KCNH5: variants seen among roughly 807,000 people sequenced by gnomAD.
KCNH5 encodes the protein voltage-gated delayed rectifier potassium channel KCNH5.
In KCNH5, 46 loss-of-function variants were observed where a neutral mutation model predicts 96.1. The ratio of observed to expected loss-of-function variants is 0.48; its 90% CI spans 0.38 to 0.61. The LOEUF is 0.61. Ranked by LOEUF, KCNH5 falls within the 20% of genes least tolerant of loss-of-function variation. The probability of loss-of-function intolerance (pLI) is 0.00; values close to 1 mark genes in which losing one functional copy is unlikely to be tolerated. For missense variants in KCNH5, 907 were observed against 1,225.8 expected, an observed-to-expected ratio of 0.74 and a Z score of 3.88; for synonymous variants, 439 against 449.8, an observed-to-expected ratio of 0.98 and a Z score of 0.30.
rs1890784671 is a variant in KCNH5, at chr14:62,990,237, GTGTGA to G, written c.434-3055_434-3051del. ...TTCACAGTATCATACATGAAAATAA[GTGTGA>G]GAAAGGAGAAATATGACAATGAAAG... is the stretch of plus-strand genomic sequence containing the variant. On this transcript the variant is annotated intron_variant, in intron 4 of 10. Coordinates refer to ENST00000322893, the MANE Select transcript of KCNH5 (RefSeq NM_139318.5). Among the ~76,000 whole-genome samples the G allele has an allele frequency of 5.3e-5, 8 of 152,136 alleles. No individual in the cohort carries two copies. In the South Asian group the frequency reaches 1.7e-3, roughly 32 times the overall value.
chr14:63,044,396 C>A (rs577149133), intron 1 of KCNH5, among the ~76,000 whole-genome samples: 2 of 152,296 alleles, frequency 1.3e-5, no homozygotes, highest in African/African-American at 2.4e-5. Context: ...GGTAGGATGG[C>A]ATCTTTTTGA....
chr14:63,003,612 A>C (rs1473962027), intron 3 of KCNH5, among the ~76,000 whole-genome samples: 1 of 121,308 alleles, frequency 8.2e-6, no homozygotes, highest in Non-Finnish European at 1.6e-5. Context: ...TTATATTTAT[A>C]TATATATATA....
At chr14:62,768,890 T>C (rs1278984383) in intron 10 of KCNH5, among the ~76,000 whole-genome samples, 1 of 152,232 alleles carries the variant, frequency 6.6e-6, no homozygotes, top group East Asian at 1.9e-4. Flanking sequence ...TGTGAACCTC[T>C]GTCCTGGTGA....
chr14:63,034,675 T>C (rs1891688993), intron 1 of KCNH5, among the ~76,000 whole-genome samples: 2 of 152,226 alleles, frequency 1.3e-5, no homozygotes, highest in Admixed American at 1.3e-4. Flanking sequence ...ATGCTTCCAC[T>C]TTCTATCTCC....
At chr14:63,041,833 AG>A (rs1891830179) in intron 1 of KCNH5, among the ~76,000 whole-genome samples, 1 of 152,092 alleles carries the variant, frequency 6.6e-6, no homozygotes, top group Admixed American at 6.5e-5. Flanking sequence ...CAGTCTCAAG[AG>A]GTGTGAAATA....
chr14:62,707,286 T>G lies in KCNH5; in HGVS notation c.*222A>C. ...ATAGAGATTATAAATAAATGTAAAG[T>G]GTGCATGCAGTCAACTGCATAATAT... On this transcript the variant is annotated 3_prime_UTR_variant, in exon 11 of 11. Coordinates refer to ENST00000322893, the MANE Select transcript of KCNH5 (RefSeq NM_139318.5). The G allele has an allele frequency of 3.6e-6, 1 of 279,314 alleles. No homozygotes were observed. Among genetic ancestry groups the G allele is most frequent in the Non-Finnish European group, 6.5e-6 (1 of 154,430 alleles). The allele number at this position is 279,314 out of a possible 1,614,324, so 17.3% of individuals were successfully genotyped here. A position where few individuals can be genotyped will look rare whatever the true frequency, so the allele number is the denominator to read the frequency against.
chr14:62,854,195 T>C (rs1421395268), intron 7 of KCNH5, among the ~76,000 whole-genome samples: 1 of 152,024 alleles, frequency 6.6e-6, no homozygotes, highest in Non-Finnish European at 1.5e-5. Context: ...TTATTATCCA[T>C]CTTTTCCCCT....
At chr14:62,713,078 T>C (rs1411557419) in intron 10 of KCNH5, among the ~76,000 whole-genome samples, 1 of 152,222 alleles carries the variant, frequency 6.6e-6, no homozygotes, top group African/African-American at 2.4e-5. Context: ...TCTGCTTTGC[T>C]AACTGCTATA....
chr14:62,819,866 T>C (rs1426349873), intron 8 of KCNH5, among the ~76,000 whole-genome samples: 2 of 152,214 alleles, frequency 1.3e-5, no homozygotes, highest in African/African-American at 2.4e-5. Context: ...TTACTGTTAC[T>C]TTCTCCAACC....
chr14:62,860,668 C>T (rs577660366), intron 7 of KCNH5, among the ~76,000 whole-genome samples: 9 of 152,274 alleles, frequency 5.9e-5, no homozygotes, highest in African/African-American at 2.2e-4. Flanking sequence ...CCATCTTTTC[C>T]CAACTTCTTA....
rs1350911410 is a variant in KCNH5, at chr14:63,006,490, C to G, written c.198-18G>C. On this transcript the variant is annotated intron_variant, in intron 2 of 10. Transcript: ENST00000322893. ...ACATAAAACTGGGGGGGAAAAAAAA[C>G]AAACAATCGATTTCACTTTTGTGTT... 7.1e-7 allele frequency: 1 copy of G among 1,400,370 alleles called. No homozygotes were observed. Among genetic ancestry groups the G allele is most frequent in the South Asian group, 1.2e-5 (1 of 85,316 alleles). 86.7% of individuals were successfully genotyped at this position (1,400,370 alleles called of 1,614,324 possible).
At chr14:62,851,243 T>G (rs1205374951) in intron 7 of KCNH5, among the ~76,000 whole-genome samples, 1 of 152,150 alleles carries the variant, frequency 6.6e-6, no homozygotes, top group Non-Finnish European at 1.5e-5. Context: ...AGGAATACAG[T>G]GTTGACATTT....
rs534411128 is a variant in KCNH5, at chr14:62,955,470, A to G, written c.943-4911T>C. ...AGAACAATCCTATGTGGTACCTATC[A>G]TTAAAGCATGGCCCAGAAAAGTTAA... On this transcript the variant is annotated intron_variant, in intron 6 of 10. Transcript: ENST00000322893. Among the ~76,000 whole-genome samples the G allele has an allele frequency of 5.8e-4, 89 of 152,352 alleles. No homozygotes were observed. In the Middle Eastern group the frequency reaches 0.027, roughly 47 times the overall value.
At position 62,705,268 on chromosome 14, in the gene KCNH5, T is replaced by C. The variant is rs1227911625; in HGVS notation, c.*2240A>G. 1 of 152,026 alleles carries C rather than the reference T, an allele frequency of 6.6e-6. No homozygotes were observed. Among genetic ancestry groups the C allele is most frequent in the African/African-American group, 2.4e-5 (1 of 41,452 alleles). The allele number at this position is 152,026 out of a possible 1,614,324, so 9.4% of individuals were successfully genotyped here. A position where few individuals can be genotyped will look rare whatever the true frequency, so the allele number is the denominator to read the frequency against. On this transcript the variant is annotated 3_prime_UTR_variant, in exon 11 of 11. Transcript: ENST00000322893. ...GTTCACAGTCATTCTTTTATAGCTT[T>C]ACACCAATAGTTAGTTTTGAAGCAC...
chr14:62,730,555 G>A (rs935872268), intron 10 of KCNH5, among the ~76,000 whole-genome samples: 1 of 152,092 alleles, frequency 6.6e-6, no homozygotes, highest in Non-Finnish European at 1.5e-5. Context: ...GTTTCCTTCT[G>A]TTACTCTTCA....
intron 7 of KCNH5, among the ~76,000 whole-genome samples, chr14:62,887,984 T>C (rs1164920301): frequency 6.6e-6 from 1 of 152,160 alleles, no homozygotes; most frequent in Non-Finnish European, 1.5e-5. Flanking sequence ...TTCAGCTGTC[T>C]CCCTTTATAA....
chr14:62,748,540 C>T (rs1233947076), intron 10 of KCNH5, among the ~76,000 whole-genome samples: 1 of 152,028 alleles, frequency 6.6e-6, no homozygotes, highest in Non-Finnish European at 1.5e-5. Flanking sequence ...CGCTCTGGTT[C>T]GAATGCCCCT....
chr14:63,009,737 C>T (rs1043331248), intron 2 of KCNH5, among the ~76,000 whole-genome samples: 12 of 152,142 alleles, frequency 7.9e-5, no homozygotes, highest in African/African-American at 2.9e-4. Context: ...CAATGATTCC[C>T]GCATTCTCTG....
chr14:62,898,688 T>A (rs944781218), intron 7 of KCNH5, among the ~76,000 whole-genome samples: 1 of 152,056 alleles, frequency 6.6e-6, no homozygotes, highest in Admixed American at 6.6e-5. Context: ...GCAAAATAAA[T>A]CTGGTATTAA....
Sources: gnomAD v4.1 joint callset for allele counts (sites outside exome capture counted in the v4.1 genomes callset) on GRCh38, gnomAD v4.1.1 for gene constraint, MANE v1.5 for transcripts, NCBI Gene and HGNC (gene_info 2026-07-23, HGNC 2026-07-21) for gene names.